NALCN: variants seen among roughly 807,000 people sequenced by gnomAD.
The protein encoded by NALCN is sodium leak channel NALCN.
Under a neutral mutation model 225.3 loss-of-function variants are expected in NALCN, and 111 were observed. The observed-to-expected ratio is 0.49, with a 90% CI of 0.42 to 0.58. The LOEUF (loss-of-function observed/expected upper bound fraction) is 0.58, where lower values mean the gene tolerates loss of function less well. NALCN is among the 20% of genes least tolerant of loss of function. The pLI, the probability that NALCN is intolerant of heterozygous loss-of-function variation, is 0.00. For synonymous variants in NALCN, 764 were observed against 769.0 expected (o/e 0.99, Z 0.11); for missense variants, 1,378 against 2,202.4 (o/e 0.63, Z 7.49).
rs2034461093 is a variant in NALCN at position 101,095,618 on chromosome 13, C to T, written c.3225G>A (p.Leu1075=). The T allele has an allele frequency of 6.2e-6, 10 of 1,613,480 alleles. No individual in the cohort carries two copies. The highest frequency in any genetic ancestry group is 7.6e-6 in the Non-Finnish European group (9 of 1,179,718). ...VSVSKNLNLK[L]RPGEKKPGFW... is the part of the protein sequence containing the mutation. ...ATCCAGGTTTTTTCTCTCCAGGCCT[C>T]AATTTTAAATTTAAGTTCTTTGACA... Residue 1075 remains leucine, a synonymous_variant, in exon 28 of 44, where the codon TTG becomes TTA. Coordinates refer to ENST00000251127, the MANE Select transcript of NALCN (RefSeq NM_052867.4).
rs1470889664 is a variant in NALCN at position 101,055,235 on chromosome 13, T to G, written c.*60A>C. ...CAATTACAGATTGCTCACTGGACAA[T>G]CAAGGACATTATTAGAAAACGGTTT... On this transcript the variant is annotated 3_prime_UTR_variant, in exon 44 of 44. Transcript: ENST00000251127. 1 of 1,355,120 alleles carries G rather than the reference T, an allele frequency of 7.4e-7. No homozygotes were observed. Among genetic ancestry groups the G allele is most frequent in the Non-Finnish European group, 1.0e-6 (1 of 963,398 alleles). 83.9% of individuals were successfully genotyped at this position (1,355,120 alleles called of 1,614,324 possible).
intron 7 of NALCN, among the ~76,000 whole-genome samples, chr13:101,318,488 A>G (rs2044634621): frequency 6.6e-6 from 1 of 152,216 alleles, no homozygotes. Context: ...AGAAACTAAT[A>G]TTTCTGAATA....
chr13:101,068,612 C>T (rs753164299), intron 38 of NALCN, 83 bp downstream of exon 38: 43 of 1,321,166 alleles, frequency 3.3e-5, no homozygotes, highest in Middle Eastern at 2.5e-4. Context: ...CCAAGAAATC[C>T]AGGGTAATTG....
At chr13:101,256,956 G>T (rs987720480) in intron 11 of NALCN, among the ~76,000 whole-genome samples, 1 of 151,804 alleles carries the variant, frequency 6.6e-6, no homozygotes, top group Non-Finnish European at 1.5e-5. Context: ...GTATAGATGG[G>T]GTTTCACCAT....
At chr13:101,230,852 A>G (rs965015729) in intron 12 of NALCN, among the ~76,000 whole-genome samples, 1 of 152,144 alleles carries the variant, frequency 6.6e-6, no homozygotes, top group African/African-American at 2.4e-5. Context: ...GTGTGTGTGT[A>G]TATATTTACA....
intron 3 of NALCN, among the ~76,000 whole-genome samples, chr13:101,382,629 T>C (rs975527000): frequency 2.1e-4 from 32 of 152,178 alleles, no homozygotes; most frequent in African/African-American, 7.2e-4. Flanking sequence ...CTATATAAAA[T>C]AATGAATTAT....
chr13:101,247,953 G>A (rs1397809299), intron 11 of NALCN, among the ~76,000 whole-genome samples: 3 of 152,248 alleles, frequency 2.0e-5, no homozygotes, highest in African/African-American at 7.2e-5. Flanking sequence ...TGCTGAGGAT[G>A]ATGGCTTCCC....
intron 25 of NALCN, 54 bp from the exon 26 acceptor site, chr13:101,103,393 A>G: frequency 1.3e-6 from 2 of 1,537,546 alleles, no homozygotes; most frequent in Non-Finnish European, 1.7e-6. Flanking sequence ...CCTACTATTT[A>G]CATTTTCTGA....
At position 101,243,090 on chromosome 13, in the gene NALCN, ATG is replaced by A. The variant is rs1663278544; in HGVS notation, c.1267-5170_1267-5169del. Reference sequence around the variant, plus strand: ...GTGAGCTCTTTCAGTTTGCAGATTTATGTTTTTTTTTTTTTTTCATTTATGTA... The same window carrying A: ...GTGAGCTCTTTCAGTTTGCAGATTTATTTTTTTTTTTTTTTCATTTATGTA... On this transcript the variant is annotated intron_variant, in intron 11 of 43. Coordinates refer to ENST00000251127, the MANE Select transcript of NALCN (RefSeq NM_052867.4). Among the ~76,000 whole-genome samples the A allele has an allele frequency of 4.2e-5, 2 of 47,216 alleles. 1 individual carries two copies. Among genetic ancestry groups the A allele is most frequent in the Admixed American group, 4.4e-4 (2 of 4,504 alleles). The allele number at this position is 47,216 out of a possible 152,430, so 31.0% of individuals were successfully genotyped here. A position where few individuals can be genotyped will look rare whatever the true frequency, so the allele number is the denominator to read the frequency against.
chr13:101,387,961 T>G (rs1383407989), intron 3 of NALCN, among the ~76,000 whole-genome samples: 1 of 152,142 alleles, frequency 6.6e-6, no homozygotes, highest in Non-Finnish European at 1.5e-5. Flanking sequence ...TATTAAAAGT[T>G]TAAGTTTTGA....
chr13:101,244,285 T>C (rs1330270499), intron 11 of NALCN, among the ~76,000 whole-genome samples: 1 of 152,192 alleles, frequency 6.6e-6, no homozygotes, highest in African/African-American at 2.4e-5. Context: ...ATACAATTAA[T>C]CACCTTACTA....
Position 101,130,963 on chromosome 13 carries a change from G to T in NALCN, c.2119-6282C>A, listed in dbSNP as rs535846320. 5.9e-5 allele frequency among the ~76,000 whole-genome samples: 9 copies of T among 152,038 alleles called. No individual in the cohort carries two copies. The South Asian group carries it at 1.7e-3, about 28-fold the overall frequency. The stretch of plus-strand genomic sequence containing the variant: ...TAGGGACACCTATAATGCAGATGTC[G>T]GATTTTTGACTTTCTTCAATTTGTC... On this transcript the variant is annotated intron_variant, in intron 17 of 43. Transcript: ENST00000251127.
At chr13:101,404,145 C>T (rs999325088) in intron 1 of NALCN, among the ~76,000 whole-genome samples, 11 of 152,112 alleles carry the variant, frequency 7.2e-5, no homozygotes, top group Non-Finnish European at 1.0e-4. Flanking sequence ...TCTAGTGTGG[C>T]GCACTTTCTC....
intron 18 of NALCN, 63 bp from the exon 19 acceptor site, chr13:101,111,289 T>A: frequency 1.5e-6 from 2 of 1,335,286 alleles, no homozygotes; most frequent in Non-Finnish European, 2.1e-6. Context: ...GAATAACACA[T>A]AAGTGCTCAT....
At chr13:101,367,928 A>G (rs950485894) in intron 6 of NALCN, among the ~76,000 whole-genome samples, 1 of 151,890 alleles carries the variant, frequency 6.6e-6, no homozygotes, top group Non-Finnish European at 1.5e-5. Context: ...TTTCCCTATG[A>G]TGCTCCTTTC....
At chr13:101,302,223 T>C (rs969898894) in intron 7 of NALCN, among the ~76,000 whole-genome samples, 12 of 152,204 alleles carry the variant, frequency 7.9e-5, no homozygotes, top group Non-Finnish European at 1.5e-4. Context: ...TGCATCATCA[T>C]ACATATTCAA....
At chr13:101,199,567 C>T (rs61974027) in intron 13 of NALCN, among the ~76,000 whole-genome samples, 31,815 of 145,296 alleles carry the variant, frequency 0.22, 3,479 homozygotes, top group East Asian at 0.38. Context: ...CCAAACACCG[C>T]ATGTTCTCAC....
At chr13:101,305,515 T>A (rs1270742350) in intron 7 of NALCN, among the ~76,000 whole-genome samples, 1 of 152,222 alleles carries the variant, frequency 6.6e-6, no homozygotes, top group Non-Finnish European at 1.5e-5. Flanking sequence ...TTAACCCTTA[T>A]GTTTTGACCT....
intron 13 of NALCN, among the ~76,000 whole-genome samples, chr13:101,206,138 T>C (rs1447701165): frequency 6.6e-6 from 1 of 152,062 alleles, no homozygotes; most frequent in African/African-American, 2.4e-5. Flanking sequence ...CATTTCCTCA[T>C]GCCCAATACT....
Sources: gnomAD v4.1 joint callset for allele counts (sites outside exome capture counted in the v4.1 genomes callset) on GRCh38, gnomAD v4.1.1 for gene constraint, MANE v1.5 for transcripts, NCBI Gene and HGNC (gene_info 2026-07-23, HGNC 2026-07-21) for gene names.